FBXL17: variants seen among roughly 807,000 people sequenced by gnomAD.
The protein encoded by FBXL17 is F-box and leucine rich repeat protein 17, also known as F-box/LRR-repeat protein 17.
In FBXL17, 22 loss-of-function variants were observed where a neutral mutation model predicts 66.2. The ratio of observed to expected loss-of-function variants is 0.33; its 90% CI spans 0.24 to 0.47. The LOEUF is 0.47. FBXL17 is among the 20% of genes least tolerant of loss of function. The pLI is 1.00. For missense variants in FBXL17, 878 were observed against 948.2 expected, an observed-to-expected ratio of 0.93 and a Z score of 0.97; for synonymous variants, 474 against 400.5, an observed-to-expected ratio of 1.18 and a Z score of -2.19.
At chr5:108,128,795 A>G (rs1378953754) in intron 6 of FBXL17, among the ~76,000 whole-genome samples, 1 of 152,168 alleles carries the variant, frequency 6.6e-6, no homozygotes, top group Non-Finnish European at 1.5e-5. Flanking sequence ...GAGTAGAGCT[A>G]CCCATGTATA....
chr5:108,085,417 G>A (rs1423212625), intron 6 of FBXL17, among the ~76,000 whole-genome samples: 1 of 152,190 alleles, frequency 6.6e-6, no homozygotes, highest in East Asian at 1.9e-4. Flanking sequence ...CTTCTACTGG[G>A]AAACCAAGGG....
intron 6 of FBXL17, among the ~76,000 whole-genome samples, chr5:108,077,934 C>T (rs1312278863): frequency 6.6e-6 from 1 of 152,078 alleles, no homozygotes. Flanking sequence ...GAACGCACAC[C>T]AACTTACATA....
intron 4 of FBXL17, among the ~76,000 whole-genome samples, chr5:108,340,048 A>G (rs1580847882): frequency 6.6e-6 from 1 of 152,200 alleles, no homozygotes; most frequent in African/African-American, 2.4e-5. Context: ...AAGAAAAAAT[A>G]CACATTCATT....
At chr5:108,258,084 C>T (rs987107059) in intron 4 of FBXL17, among the ~76,000 whole-genome samples, 3 of 152,144 alleles carry the variant, frequency 2.0e-5, no homozygotes, top group African/African-American at 7.2e-5. Context: ...AAAATTCTTA[C>T]ATTAAAGCCC....
chr5:107,932,306 T>C (rs1370828385), intron 7 of FBXL17, among the ~76,000 whole-genome samples: 1 of 152,194 alleles, frequency 6.6e-6, no homozygotes, highest in Non-Finnish European at 1.5e-5. Context: ...TTTATCTTCT[T>C]AGTAGTACTC....
intron 3 of FBXL17, among the ~76,000 whole-genome samples, chr5:108,352,802 C>A (rs1213025800): frequency 6.6e-6 from 1 of 152,210 alleles, no homozygotes; most frequent in East Asian, 1.9e-4. Context: ...AGCCACTGCG[C>A]CTGGACGAAT....
intron 6 of FBXL17, among the ~76,000 whole-genome samples, chr5:108,084,439 C>T (rs1173376711): frequency 1.3e-5 from 2 of 152,194 alleles, no homozygotes; most frequent in African/African-American, 4.8e-5. Context: ...CAAAATAAAA[C>T]TCACCCAAAA....
At chr5:107,899,560 C>T (rs1749497862) in intron 7 of FBXL17, among the ~76,000 whole-genome samples, 1 of 152,102 alleles carries the variant, frequency 6.6e-6, no homozygotes, top group African/African-American at 2.4e-5. Context: ...TCACCTGAGC[C>T]CAGGAGTTCA....
chr5:108,008,591 T>C (rs907167193), intron 7 of FBXL17, among the ~76,000 whole-genome samples: 28 of 152,214 alleles, frequency 1.8e-4, no homozygotes, highest in African/African-American at 6.5e-4. Context: ...TATAAATGTG[T>C]GTAATAATAT....
chr5:107,864,863 T>C (rs536172783), intron 8 of FBXL17, among the ~76,000 whole-genome samples: 2 of 152,352 alleles, frequency 1.3e-5, no homozygotes, highest in South Asian at 4.1e-4. Flanking sequence ...TCCTTTATAG[T>C]AATACAAACA....
chr5:108,296,115 G>A (rs188627413), intron 4 of FBXL17, among the ~76,000 whole-genome samples: 38 of 151,912 alleles, frequency 2.5e-4, no homozygotes, highest in Admixed American at 1.8e-3. Flanking sequence ...AGAGTTGTGA[G>A]GAGAAAAGAA....
intron 7 of FBXL17, among the ~76,000 whole-genome samples, chr5:107,893,301 A>G (rs1208368235): frequency 6.6e-6 from 1 of 152,158 alleles, no homozygotes; most frequent in East Asian, 1.9e-4. Flanking sequence ...ACCATGCACA[A>G]AAGCACACTG....
At chr5:108,232,656 C>G (rs1056004813) in intron 4 of FBXL17, among the ~76,000 whole-genome samples, 25 of 151,030 alleles carry the variant, frequency 1.7e-4, no homozygotes, top group African/African-American at 5.4e-4. Context: ...ATGCTACCTA[C>G]CCTCAAACAT....
At chr5:108,049,011 G>A (rs1212563105) in intron 6 of FBXL17, among the ~76,000 whole-genome samples, 1 of 152,102 alleles carries the variant, frequency 6.6e-6, no homozygotes, top group Non-Finnish European at 1.5e-5. Flanking sequence ...ATTCTCCAAG[G>A]TTGAAATAAA....
At chr5:107,934,615 C>G (rs1350675138) in intron 7 of FBXL17, among the ~76,000 whole-genome samples, 2 of 152,102 alleles carry the variant, frequency 1.3e-5, no homozygotes, top group Non-Finnish European at 2.9e-5. Flanking sequence ...CTCGTTCTCT[C>G]ACTAGGCACT....
chr5:108,362,704 G>C (rs182296627), intron 3 of FBXL17, among the ~76,000 whole-genome samples: 6 of 152,144 alleles, frequency 3.9e-5, no homozygotes, highest in African/African-American at 1.4e-4. Flanking sequence ...TAAAACATTA[G>C]AGTCTACATC....
At chr5:108,306,325 G>C (rs1231640569) in intron 4 of FBXL17, among the ~76,000 whole-genome samples, 1 of 151,998 alleles carries the variant, frequency 6.6e-6, no homozygotes, top group Admixed American at 6.6e-5. Flanking sequence ...AAAGGATATA[G>C]GTCTCCAAGA....
At chr5:108,137,739 T>G (rs769180880) in intron 6 of FBXL17, among the ~76,000 whole-genome samples, 6 of 152,144 alleles carry the variant, frequency 3.9e-5, no homozygotes, top group Non-Finnish European at 8.8e-5. Flanking sequence ...TCAAAATAAA[T>G]GATCTAACAG....
chr5:107,890,444 T>C (rs1749161446), intron 7 of FBXL17, among the ~76,000 whole-genome samples: 1 of 151,842 alleles, frequency 6.6e-6, no homozygotes, highest in African/African-American at 2.4e-5. Flanking sequence ...GGCAGATTGC[T>C]TGAGGCCCGG....
Sources: allele counts gnomAD v4.1 joint callset (sites outside exome capture counted in the v4.1 genomes callset), GRCh38; gene constraint gnomAD v4.1.1; transcripts MANE v1.5; gene names NCBI Gene and HGNC (gene_info 2026-07-23, HGNC 2026-07-21).